The following POU5F1 variants were observed in gnomAD, a reference collection of about 807,000 sequenced individuals.
POU5F1 encodes the protein POU domain, class 5, transcription factor 1.
In POU5F1, 6 loss-of-function variants were observed where a neutral mutation model predicts 38.3. That is an observed-to-expected ratio of 0.16 (90% CI 0.09 to 0.31). POU5F1 has a LOEUF of 0.31. Among genes scored for constraint, POU5F1 ranks in the 10% least tolerant of loss-of-function variants. POU5F1 has a pLI of 1.00. For synonymous variants in POU5F1, 147 were observed against 194.9 expected, an observed-to-expected ratio of 0.75 and a Z score of 2.05; for missense variants, 286 against 462.6, an observed-to-expected ratio of 0.62 and a Z score of 3.50.
In POU5F1 at chr6:31,170,475, G is replaced by A. The variant is rs773026654; in HGVS notation, c.146C>T (p.Pro49Leu). ...QGPPGGPGIG[P>L]GVGPGSEVWG... ...CACCTCAGAGCCTGGCCCAACCCCCGGCCCGATTCCTGGCCCTCCAGGAGG... is the reference window on the plus strand; with the variant it reads ...CACCTCAGAGCCTGGCCCAACCCCCAGCCCGATTCCTGGCCCTCCAGGAGG... The change falls in exon 1 of 5, where the codon CCG becomes CTG. Residue 49 changes from proline to leucine, a missense_variant. Coordinates refer to ENST00000259915, the MANE Select transcript of POU5F1 (RefSeq NM_002701.6). The A allele has an allele frequency of 1.4e-5, 22 of 1,604,680 alleles. No homozygotes were observed. The highest frequency in any genetic ancestry group is 1.8e-5 in the Non-Finnish European group (21 of 1,176,452).
intron 1 of POU5F1, chr6:31,169,912 TG>T (rs1777535097): frequency 3.8e-6 from 2 of 527,306 alleles, no homozygotes; most frequent in Non-Finnish European, 6.8e-6. Flanking sequence ...GCCTAGGAGA[TG>T]TGAGAGACCC....
At position 31,164,339 on chromosome 6, in the gene POU5F1, A is replaced by ACACACTTATCTTG; in HGVS notation, c.*261_*262insCAAGATAAGTGTG. 8.3e-7 allele frequency: 1 copy of ACACACTTATCTTG among 1,202,256 alleles called. No homozygotes were observed. Among genetic ancestry groups the ACACACTTATCTTG allele is most frequent in the Non-Finnish European group, 1.1e-6 (1 of 883,692 alleles). The allele number at this position is 1,202,256 out of a possible 1,614,324, so 74.5% of individuals were successfully genotyped here. A position where few individuals can be genotyped will look rare whatever the true frequency, so the allele number is the denominator to read the frequency against. On this transcript the variant is annotated 3_prime_UTR_variant, in exon 5 of 5. Coordinates refer to ENST00000259915, the MANE Select transcript of POU5F1 (RefSeq NM_002701.6). ...AGTAACTGAAGGACAAACCAAGATA[A>ACACACTTATCTTG]GTGTGTCTATCTACTGTGTCCCAGG...
In POU5F1 at chr6:31,170,612, T is replaced by C; in HGVS notation, c.9A>G (p.Gly3=). ...AGAAGGCGAAATCCGAAGCCAGGTG[T>C]CCCGCCATGGGGAAGGAAGGCGCCC... MA[G]HLASDFAFSP... is the part of the protein sequence containing the mutation. Residue 3 remains glycine, a synonymous_variant, in exon 1 of 5, where the codon GGA becomes GGG. Transcript: ENST00000259915. 6.4e-7 allele frequency: 1 copy of C among 1,554,372 alleles called. No homozygotes were observed. Among genetic ancestry groups the C allele is most frequent in the South Asian group, 1.2e-5 (1 of 84,550 alleles).
intron 1 of POU5F1, 83 bp downstream of exon 1, chr6:31,170,133 G>C: frequency 6.2e-7 from 1 of 1,606,846 alleles, no homozygotes; most frequent in African/African-American, 1.3e-5. Context: ...CCAGGTCTGG[G>C]CAGCTGCAGG....
In POU5F1 at chr6:31,166,106, C is replaced by T; in HGVS notation, c.406-59G>A. ...ATAAACACACCAGTTATCAATCTCC[C>T]CTTTCCATTCGGGATTCAAGAACCT... On this transcript the variant is annotated intron_variant, in intron 1 of 4. Transcript: ENST00000259915. The T allele has an allele frequency of 6.8e-6, 11 of 1,614,166 alleles. No individual in the cohort carries two copies. The South Asian group carries it at 1.2e-4, about 18-fold the overall frequency.
Position 31,170,568 on chromosome 6 carries a change from C to T in POU5F1, c.53G>A (p.Gly18Glu), listed in dbSNP as rs773044360. ...CTCCGGCCCCCCTGGCCCATCACCT[C>T]CACCACCTGGAGGGGGCGAGAAGGC... ...DFAFSPPPGG[G>E]GDGPGGPEPG... is the part of the protein sequence containing the mutation. The change falls in exon 1 of 5, where the codon GGA (glycine) becomes GAA (glutamate). Residue 18 changes from glycine to glutamate, a missense_variant. Physicochemically the swap from Gly to Glu is moderately conservative, Grantham distance 98 (BLOSUM62 -2). Around this residue, in one of 2 missense-constraint regions of POU5F1, gnomAD observed 176 missense variants for 184.8 expected, o/e 0.95. Transcript: ENST00000259915. 1.9e-6 allele frequency: 3 copies of T among 1,569,008 alleles called. No individual in the cohort carries two copies. Among genetic ancestry groups the T allele is most frequent in the Non-Finnish European group, 2.6e-6 (3 of 1,157,760 alleles).
chr6:31,164,795 C>T lies in POU5F1; in HGVS notation c.889G>A (p.Asp297Asn). 6.2e-7 allele frequency: 1 copy of T among 1,612,840 alleles called. No homozygotes were observed. The highest frequency in any genetic ancestry group is 1.7e-5 in the Admixed American group (1 of 59,818). Residue 297 changes from aspartate to asparagine, a missense_variant, in exon 5 of 5, where the codon GAT (aspartate) becomes AAT (asparagine). Physicochemically the swap from Asp to Asn is conservative, Grantham distance 23. This residue lies in a region of POU5F1 where 110 missense variants were observed against 277.8 expected (regional missense o/e 0.40). Coordinates refer to ENST00000259915, the MANE Select transcript of POU5F1 (RefSeq NM_002701.6). ...RSSSDYAQRE[D>N]FEAAGSPFSG... ...AAAGGAGACCCAGCAGCCTCAAAATCCTCTCGTTGTGCATAGTCGCTGCTT... is the reference window on the plus strand; with the variant it reads ...AAAGGAGACCCAGCAGCCTCAAAATTCTCTCGTTGTGCATAGTCGCTGCTT...
chr6:31,169,732 T>A (rs921026251), intron 1 of POU5F1, among the ~76,000 whole-genome samples: 1 of 152,168 alleles, frequency 6.6e-6, no homozygotes, highest in Non-Finnish European at 1.5e-5. Flanking sequence ...ACAATAATCC[T>A]GGAATGAGCA....
At chr6:31,167,714 T>TA (rs9281236) in intron 1 of POU5F1, among the ~76,000 whole-genome samples, 32,507 of 148,006 alleles carry the variant, frequency 0.22, 3,804 homozygotes, top group African/African-American at 0.32. Flanking sequence ...TCTCAAAAAT[T>TA]AAAAAAAAAA....
At position 31,170,600 on chromosome 6, in the gene POU5F1, C is replaced by T. The variant is rs2077010; in HGVS notation, c.21G>A (p.Ser7=). The change falls in exon 1 of 5, where the codon TCG becomes TCA. Residue 7 remains serine, a synonymous_variant. Coordinates refer to ENST00000259915, the MANE Select transcript of POU5F1 (RefSeq NM_002701.6). MAGHLA[S]DFAFSPPPGG... Reference sequence around the variant, plus strand: ...CTGGAGGGGGCGAGAAGGCGAAATCCGAAGCCAGGTGTCCCGCCATGGGGA... The same window carrying T: ...CTGGAGGGGGCGAGAAGGCGAAATCTGAAGCCAGGTGTCCCGCCATGGGGA... 673,549 of 1,556,262 alleles carry T rather than the reference C, an allele frequency of 0.43. 147,317 individuals carry two copies. Among genetic ancestry groups the T allele is most frequent in the African/African-American group, 0.46 (33,562 of 73,558 alleles).
At position 31,170,463 on chromosome 6, in the gene POU5F1, G is replaced by A. The variant is rs748102586; in HGVS notation, c.158C>T (p.Pro53Leu). 3.1e-6 allele frequency: 5 copies of A among 1,608,316 alleles called. 1 individual carries two copies. In the Middle Eastern group the frequency reaches 5.6e-4, roughly 181 times the overall value. Residue 53 changes from proline to leucine, a missense_variant, in exon 1 of 5, where the codon CCA (proline) becomes CTA (leucine). Physicochemically the swap from Pro to Leu is moderately conservative, Grantham distance 98. This residue lies in a region of POU5F1 where 176 missense variants were observed against 184.8 expected (regional missense o/e 0.95). Coordinates refer to ENST00000259915, the MANE Select transcript of POU5F1 (RefSeq NM_002701.6). ...GGGAATCCCCCACACCTCAGAGCCT[G>A]GCCCAACCCCCGGCCCGATTCCTGG... The part of the protein sequence containing the change: ...GGPGIGPGVG[P>L]GSEVWGIPPC...
intron 1 of POU5F1, chr6:31,166,312 T>C: frequency 6.7e-7 from 1 of 1,492,128 alleles, no homozygotes; most frequent in Non-Finnish European, 9.0e-7. Context: ...CAGAGCATCG[T>C]GAAAGGACAG....
Position 31,165,339 on chromosome 6 carries a change from C to T in POU5F1, c.658-53G>A. ...GGCAAGCTTTGGACTTGCTGAGTAA[C>T]AGCATCACAGGGGTCTGTGACTAGA... On this transcript the variant is annotated intron_variant, in intron 3 of 4. Transcript: ENST00000259915. The surrounding 1 kb of genome is among the most constrained non-coding windows in gnomAD (Gnocchi z 6.5). The T allele has an allele frequency of 6.3e-7, 1 of 1,589,684 alleles. No individual in the cohort carries two copies. Among genetic ancestry groups the T allele is most frequent in the Non-Finnish European group, 8.6e-7 (1 of 1,166,724 alleles).
At chr6:31,167,292 C>A (rs752047660) in intron 1 of POU5F1, 3 of 233,848 alleles carry the variant, frequency 1.3e-5, no homozygotes, top group African/African-American at 2.3e-5. Flanking sequence ...TTTGGGAGGC[C>A]AAGGTGGGCA....
rs764061072 is a variant in POU5F1 at position 31,170,295 on chromosome 6, C to T, written c.326G>A (p.Gly109Glu). ...AGVGVESNSD[G>E]ASPEPCTVTP... ...GACGGTGCAGGGCTCCGGGGAGGCC[C>T]CATCGGAGTTGCTCTCCACCCCGAC... The change falls in exon 1 of 5, where the codon GGG becomes GAG. Residue 109 changes from glycine to glutamate, a missense_variant. Gly to Glu is a moderately conservative substitution (Grantham distance 98). Around this residue, in one of 2 missense-constraint regions of POU5F1, gnomAD observed 176 missense variants for 184.8 expected, o/e 0.95. Coordinates refer to ENST00000259915, the MANE Select transcript of POU5F1 (RefSeq NM_002701.6). 16 of 1,612,818 alleles carry T rather than the reference C, an allele frequency of 9.9e-6. 2 individuals are homozygous for T. In the South Asian group the frequency reaches 1.8e-4, roughly 18 times the overall value.
rs773889469 is a variant in POU5F1 at position 31,165,573 on chromosome 6, C to T, written c.655G>A (p.Glu219Lys). ...EEADNNENLQ[E>K]ICKAETLVQA... ...GGGTATCCCCCTCCCACCCTTACCT[C>T]CTGAAGATTTTCATTGTTGTCAGCT... is the stretch of plus-strand genomic sequence containing the variant. The change falls in exon 3 of 5, where the codon GAG (glutamate) becomes AAG (lysine). Residue 219 changes from glutamate to lysine, a missense_variant and splice_region_variant. Around this residue, in one of 2 missense-constraint regions of POU5F1, gnomAD observed 110 missense variants for 277.8 expected, o/e 0.40. Coordinates refer to ENST00000259915, the MANE Select transcript of POU5F1 (RefSeq NM_002701.6). This position sits in a 1 kb window ranked among gnomAD's most constrained non-coding sequence, Gnocchi z 6.5. 2.5e-6 allele frequency: 4 copies of T among 1,613,988 alleles called. No homozygotes were observed. Among genetic ancestry groups the T allele is most frequent in the Non-Finnish European group, 3.4e-6 (4 of 1,180,034 alleles).
Position 31,165,368 on chromosome 6 carries a change from G to A in POU5F1, c.658-82C>T. On this transcript the variant is annotated intron_variant, in intron 3 of 4. Coordinates refer to ENST00000259915, the MANE Select transcript of POU5F1 (RefSeq NM_002701.6). The surrounding 1 kb of genome is among the most constrained non-coding windows in gnomAD (Gnocchi z 6.5). ...ATCACAGGGGTCTGTGACTAGATGTGTCAGCAGAGCCAGGTGGTGGTGTGA... is the reference window on the plus strand; with the variant it reads ...ATCACAGGGGTCTGTGACTAGATGTATCAGCAGAGCCAGGTGGTGGTGTGA... The A allele has an allele frequency of 6.4e-7, 1 of 1,571,512 alleles. No individual in the cohort carries two copies. The highest frequency in any genetic ancestry group is 1.9e-5 in the Admixed American group (1 of 53,492).
Position 31,164,805 on chromosome 6 carries a change from T to C in POU5F1, c.879A>G (p.Ala293=). The part of the protein sequence containing the change: ...QKGKRSSSDY[A]QREDFEAAGS... ...CAGCAGCCTCAAAATCCTCTCGTTG[T>C]GCATAGTCGCTGCTTGATCGCTTGC... The change falls in exon 5 of 5, where the codon GCA becomes GCG. Residue 293 remains alanine, a synonymous_variant. Transcript: ENST00000259915. The C allele has an allele frequency of 6.2e-7, 1 of 1,612,910 alleles. No homozygotes were observed. The highest frequency in any genetic ancestry group is 8.5e-7 in the Non-Finnish European group (1 of 1,179,538).
chr6:31,167,403 T>C (rs2151108624), intron 1 of POU5F1, among the ~76,000 whole-genome samples: 1 of 150,868 alleles, frequency 6.6e-6, no homozygotes, highest in Non-Finnish European at 1.5e-5. Context: ...AATATATATA[T>C]ATATTATGGA....
Sources: allele counts gnomAD v4.1 joint callset (sites outside exome capture counted in the v4.1 genomes callset), GRCh38; gene constraint gnomAD v4.1.1; regional missense constraint gnomAD v4.1.1; non-coding constraint Gnocchi (gnomAD v3.1); transcripts MANE v1.5; gene names NCBI Gene and HGNC (gene_info 2026-07-23, HGNC 2026-07-21).